TTC21A: variants seen among roughly 807,000 people sequenced by gnomAD.
TTC21A encodes the protein tetratricopeptide repeat protein 21A.
TTC21A carries 128 observed loss-of-function variants against 156.4 expected under a neutral mutation model. The observed-to-expected ratio is 0.82, with a 90% CI of 0.71 to 0.95. The LOEUF (loss-of-function observed/expected upper bound fraction) is 0.95, where lower values mean the gene tolerates loss of function less well. TTC21A is among the 40% of genes least tolerant of loss of function. The pLI, the probability that TTC21A is intolerant of heterozygous loss-of-function variation, is 0.00. For missense variants in TTC21A, 1,435 were observed against 1,602.3 expected (o/e 0.90, Z 1.78); for synonymous variants, 587 against 617.1 (o/e 0.95, Z 0.72).
intron 2 of TTC21A, 84 bp from the exon 3 acceptor site, chr3:39,109,945 T>C: frequency 1.1e-6 from 1 of 950,750 alleles, no homozygotes; most frequent in Middle Eastern, 2.1e-4. Flanking sequence ...CAGGTAGTAG[T>C]GCTGAGCTGT....
chr3:39,128,495 G>T lies in TTC21A; in HGVS notation c.1680+7G>T. 6.2e-7 allele frequency: 1 copy of T among 1,614,030 alleles called. No individual in the cohort carries two copies. The highest frequency in any genetic ancestry group is 1.7e-5 in the Admixed American group (1 of 60,010). On this transcript the variant is annotated splice_region_variant and intron_variant, in intron 13 of 28. Transcript: ENST00000683103. ...TGTCAGCCACAACTTCCAGGTGGGT[G>T]CCCTCTCATCCTCTCAGCATCCCAA...
At chr3:39,116,266 C>T (rs1336549519) in intron 6 of TTC21A, among the ~76,000 whole-genome samples, 2 of 152,226 alleles carry the variant, frequency 1.3e-5, no homozygotes, top group African/African-American at 4.8e-5. Flanking sequence ...AAACTCTGCT[C>T]TGTAAAGATG....
intron 27 of TTC21A, 40 bp downstream of exon 27, chr3:39,138,427 A>G: frequency 9.9e-6 from 16 of 1,613,598 alleles, no homozygotes; most frequent in Non-Finnish European, 1.4e-5. Context: ...TGGACGTGGG[A>G]GGGAGGTGGG....
rs770532845 is a variant in TTC21A, at chr3:39,134,172, C to T, written c.2752-46C>T. 7.9e-7 allele frequency: 1 copy of T among 1,269,218 alleles called. No homozygotes were observed. Among genetic ancestry groups the T allele is most frequent in the East Asian group, 2.3e-5 (1 of 42,930 alleles). 78.6% of individuals were successfully genotyped at this position (1,269,218 alleles called of 1,614,324 possible). The stretch of plus-strand genomic sequence containing the variant: ...CTGTCAAGGATAACCCCAGGGGTTT[C>T]CCATGGTGTTTACTAGTTAGTTTAT... On this transcript the variant is annotated intron_variant, in intron 20 of 28. Transcript: ENST00000683103. This position sits in a 1 kb window ranked among gnomAD's most constrained non-coding sequence, Gnocchi z 4.6.
chr3:39,137,328 A>C lies in TTC21A; in HGVS notation c.3391A>C (p.Arg1131=), dbSNP rs1432433359. Reference sequence around the variant, plus strand: ...GCAGGGCCTCTGCCGGCTGGCCACCAGGGAGAAGGCTAACATGGAGGCTGC... The same window carrying C: ...GCAGGGCCTCTGCCGGCTGGCCACCCGGGAGAAGGCTAACATGGAGGCTGC... ...LLQGLCRLAT[R]EKANMEAALG... Residue 1131 remains arginine (R), a synonymous_variant, in exon 25 of 29, where the codon AGG becomes CGG. Coordinates refer to ENST00000683103, the MANE Select transcript of TTC21A (RefSeq NM_001366900.1). The C allele has an allele frequency of 6.2e-7, 1 of 1,613,944 alleles. No individual in the cohort carries two copies. The highest frequency in any genetic ancestry group is 8.5e-7 in the Non-Finnish European group (1 of 1,179,942).
In TTC21A at chr3:39,133,291, C is replaced by G. The variant is rs749876202; in HGVS notation, c.2751+51C>G. ...TGCTTTCTCCCTCAGGGCACAATGACTTGCTGAGCTCACTGACCAGGTACA... is the reference window on the plus strand; with the variant it reads ...TGCTTTCTCCCTCAGGGCACAATGAGTTGCTGAGCTCACTGACCAGGTACA... On this transcript the variant is annotated intron_variant, in intron 20 of 28. Transcript: ENST00000683103. 13 of 1,568,420 alleles carry G rather than the reference C, an allele frequency of 8.3e-6. No individual in the cohort carries two copies. In the South Asian group the frequency reaches 1.5e-4, roughly 18 times the overall value.
intron 1 of TTC21A, among the ~76,000 whole-genome samples, chr3:39,108,676 C>T (rs2036492113): frequency 6.6e-6 from 1 of 152,184 alleles, no homozygotes; most frequent in Non-Finnish European, 1.5e-5. Context: ...CTTAAGCTTC[C>T]TTAGCTGTGA....
chr3:39,126,944 A>C (rs758936070), intron 12 of TTC21A, among the ~76,000 whole-genome samples: 2 of 152,204 alleles, frequency 1.3e-5, no homozygotes, highest in Non-Finnish European at 2.9e-5. Flanking sequence ...TTGCTAGAAC[A>C]TGGTAATGCT....
rs2039120797 is a variant in TTC21A, at chr3:39,136,447, A to T, written c.3035A>T (p.Lys1012Met). The T allele has an allele frequency of 3.1e-6, 5 of 1,614,240 alleles. No homozygotes were observed. The highest frequency in any genetic ancestry group is 4.2e-6 in the Non-Finnish European group (5 of 1,180,044). The part of the protein sequence containing the change: ...DIPAFFELAK[K>M]VSSRVPLEPG... ...CCTGCCTTCTTTGAATTGGCCAAGA[A>T]GGTGTCTAGCCGGGTGCCTTTGGAA... is the stretch of plus-strand genomic sequence containing the variant. Residue 1012 changes from lysine (K) to methionine (M), a missense_variant, in exon 23 of 29, where the codon AAG (lysine) becomes ATG (methionine). Lys to Met is a moderately conservative substitution (Grantham distance 95, BLOSUM62 -1). Transcript: ENST00000683103.
Position 39,121,155 on chromosome 3 carries a change from G to A in TTC21A, c.1059G>A (p.Met353Ile), listed in dbSNP as rs374133009. The change falls in exon 9 of 29, where the codon ATG (methionine) becomes ATA (isoleucine). Residue 353 changes from methionine (M) to isoleucine (I), a missense_variant. By Grantham distance (10) the Met-to-Ile change is conservative. Transcript: ENST00000683103. Reference protein sequence around the residue: ...KEALLWYSEAMKLDKDGMAGL... With the variant: ...KEALLWYSEAIKLDKDGMAGL... ...CCTTGCTGTGGTATTCAGAAGCCAT[G>A]AAACTGGACAAGGATGGCATGGCTG... 6.6e-5 allele frequency: 107 copies of A among 1,614,042 alleles called. 1 individual carries two copies. The African/African-American group carries it at 1.3e-3, about 19-fold the overall frequency.
chr3:39,120,080 A>G, intron 8 of TTC21A, 60 bp downstream of exon 8: 3 of 1,277,448 alleles, frequency 2.3e-6, no homozygotes, highest in Non-Finnish European at 3.4e-6. Flanking sequence ...TTAGAGGAGA[A>G]CTGTGCTCCC....
chr3:39,128,392 G>A lies in TTC21A; in HGVS notation c.1584G>A (p.Val528=). The change falls in exon 13 of 29, where the codon GTG becomes GTA. Residue 528 remains valine, a synonymous_variant. Transcript: ENST00000683103. ...QRCLELDPAS[V]DAHLLMCQIY... ...GCCTGGAGCTGGACCCCGCCTCCGT[G>A]GATGCCCATCTCCTCATGTGTCAGA... 1 of 1,614,170 alleles carries A rather than the reference G, an allele frequency of 6.2e-7. No individual in the cohort carries two copies. Among genetic ancestry groups the A allele is most frequent in the Middle Eastern group, 1.6e-4 (1 of 6,062 alleles).
rs146287160 is a variant in TTC21A, at chr3:39,132,084, C to T, written c.2563-968C>T. Among the ~76,000 whole-genome samples, 260 of 152,232 alleles carry T rather than the reference C, an allele frequency of 1.7e-3. 2 individuals carry two copies. The highest frequency in any genetic ancestry group is 5.9e-3 in the African/African-American group (245 of 41,532). On this transcript the variant is annotated intron_variant, in intron 19 of 28. Coordinates refer to ENST00000683103, the MANE Select transcript of TTC21A (RefSeq NM_001366900.1). ...AGGCTATCTAGTGTAGCCTATTGCTCTGAGTCTATAAACCTGCACAGCATG... is the reference window on the plus strand; with the variant it reads ...AGGCTATCTAGTGTAGCCTATTGCTTTGAGTCTATAAACCTGCACAGCATG...
intron 22 of TTC21A, 77 bp downstream of exon 22, chr3:39,135,251 C>T: frequency 8.0e-7 from 1 of 1,254,470 alleles, no homozygotes; most frequent in Non-Finnish European, 1.2e-6. Flanking sequence ...GGTGGGACCT[C>T]TCCCTCCTTC....
chr3:39,111,969 A>T (rs1301540048), intron 4 of TTC21A, among the ~76,000 whole-genome samples: 1 of 152,102 alleles, frequency 6.6e-6, no homozygotes, highest in East Asian at 1.9e-4. Flanking sequence ...CGAGCTCAGA[A>T]CGGCTCCTGC....
chr3:39,111,033 TG>T lies in TTC21A; in HGVS notation c.435+20del. The T allele has an allele frequency of 6.3e-7, 1 of 1,584,582 alleles. No individual in the cohort carries two copies. The highest frequency in any genetic ancestry group is 8.6e-7 in the Non-Finnish European group (1 of 1,161,870). The stretch of plus-strand genomic sequence containing the variant: ...CTTCAGAGAGGTACTTACCACACCA[TG>T]GGGACAACAGGCGAAGAAAGCAGCA... On this transcript the variant is annotated intron_variant, in intron 4 of 28. Coordinates refer to ENST00000683103, the MANE Select transcript of TTC21A (RefSeq NM_001366900.1).
intron 9 of TTC21A, among the ~76,000 whole-genome samples, chr3:39,123,884 A>AT (rs564064169): frequency 4.2e-4 from 64 of 152,336 alleles, no homozygotes; most frequent in Non-Finnish European, 8.1e-4. Context: ...TGAACAGAAT[A>AT]TTCACAGTAG....
intron 20 of TTC21A, among the ~76,000 whole-genome samples, chr3:39,133,739 A>G (rs1279803599): frequency 6.6e-6 from 1 of 152,196 alleles, no homozygotes. Flanking sequence ...AACTCATTTA[A>G]CAGATACCTC....
chr3:39,110,246 G>A, intron 3 of TTC21A, 107 bp downstream of exon 3: 1 of 831,738 alleles, frequency 1.2e-6, no homozygotes, highest in East Asian at 2.6e-5. Flanking sequence ...ATGTGCCCTG[G>A]TGGCTGTGCA....
Sources: allele counts gnomAD v4.1 joint callset (sites outside exome capture counted in the v4.1 genomes callset), GRCh38; gene constraint gnomAD v4.1.1; non-coding constraint Gnocchi (gnomAD v3.1); transcripts MANE v1.5; gene names NCBI Gene and HGNC (gene_info 2026-07-23, HGNC 2026-07-21).